GPC6: variants seen among roughly 807,000 people sequenced by gnomAD.
GPC6 encodes the protein glypican-6.
In GPC6, 14 loss-of-function variants were observed where a neutral mutation model predicts 55.2. The ratio of observed to expected loss-of-function variants is 0.25; its 90% CI spans 0.17 to 0.40. The LOEUF is 0.40. Ranked by LOEUF, GPC6 falls within the 10% of genes least tolerant of loss-of-function variation. The probability of loss-of-function intolerance (pLI) is 1.00; values close to 1 mark genes in which losing one functional copy is unlikely to be tolerated. For missense variants in GPC6, 641 were observed against 708.5 expected, an observed-to-expected ratio of 0.90 and a Z score of 1.08; for synonymous variants, 278 against 259.6, an observed-to-expected ratio of 1.07 and a Z score of -0.68.
rs902937835 is a variant in GPC6, at chr13:93,845,682, A to G, written c.711+15137A>G. The stretch of plus-strand genomic sequence containing the variant: ...AAAATGATGAGTTCATGTCCTTTGT[A>G]GGGACATGGATGAAATTGGAAATCA... On this transcript the variant is annotated intron_variant, in intron 3 of 8. Coordinates refer to ENST00000377047, the MANE Select transcript of GPC6 (RefSeq NM_005708.5). Among the ~76,000 whole-genome samples the G allele has an allele frequency of 1.2e-4, 17 of 147,550 alleles. No individual in the cohort carries two copies. In the South Asian group the frequency reaches 1.8e-3, roughly 15 times the overall value.
intron 1 of GPC6, among the ~76,000 whole-genome samples, chr13:93,541,714 C>T (rs544210577): frequency 6.9e-5 from 10 of 144,368 alleles, no homozygotes; most frequent in African/African-American, 2.6e-4. Flanking sequence ...TTAATGATTG[C>T]CATTCTAACT....
chr13:93,514,932 T>C (rs939098324), intron 1 of GPC6, among the ~76,000 whole-genome samples: 6 of 152,202 alleles, frequency 3.9e-5, no homozygotes, highest in Admixed American at 6.5e-5. Flanking sequence ...TGCTATGGGC[T>C]GAATATTTGT....
intron 1 of GPC6, among the ~76,000 whole-genome samples, chr13:93,350,665 T>G (rs376285954): frequency 6.6e-6 from 1 of 152,154 alleles, no homozygotes; most frequent in African/African-American, 2.4e-5. Context: ...TGTGGTCTAT[T>G]AGTAATCACA....
intron 6 of GPC6, among the ~76,000 whole-genome samples, chr13:94,325,584 T>A (rs1392759791): frequency 6.6e-6 from 1 of 152,216 alleles, no homozygotes; most frequent in Non-Finnish European, 1.5e-5. Flanking sequence ...TATGGCTCTA[T>A]TGATTTAAAA....
chr13:93,291,136 G>A (rs1352296602), intron 1 of GPC6, among the ~76,000 whole-genome samples: 1 of 152,114 alleles, frequency 6.6e-6, no homozygotes, highest in Non-Finnish European at 1.5e-5. Context: ...GGTTGAAGCA[G>A]GCAGACTGAC....
At chr13:94,194,387 A>G (rs775097425) in intron 4 of GPC6, among the ~76,000 whole-genome samples, 3 of 152,132 alleles carry the variant, frequency 2.0e-5, no homozygotes, top group Admixed American at 6.5e-5. Context: ...CAATGTATGC[A>G]TATGTGTGTA....
In GPC6 at chr13:93,789,621, A is replaced by AATAC. The variant is rs1431148873; in HGVS notation, c.320-40533_320-40532insATAC. Reference sequence around the variant, plus strand: ...TACATATATATATATATATATATATATATATATATATATATATATATATAG... The same window carrying AATAC: ...TACATATATATATATATATATATATAATACTATATATATATATATATATATATAG... On this transcript the variant is annotated intron_variant, in intron 2 of 8. Coordinates refer to ENST00000377047, the MANE Select transcript of GPC6 (RefSeq NM_005708.5). Among the ~76,000 whole-genome samples, 97 of 109,682 alleles carry AATAC rather than the reference A, an allele frequency of 8.8e-4. 3 individuals are homozygous for AATAC. The highest frequency in any genetic ancestry group is 3.9e-3 in the South Asian group (11 of 2,852). The allele number at this position is 109,682 out of a possible 152,430, so 72.0% of individuals were successfully genotyped here.
chr13:93,407,465 T>C (rs1267007635), intron 1 of GPC6, among the ~76,000 whole-genome samples: 7 of 152,112 alleles, frequency 4.6e-5, no homozygotes. Flanking sequence ...TGATAAAGTA[T>C]CCAATGTCAA....
chr13:94,282,169 G>A (rs1892403490), intron 4 of GPC6, among the ~76,000 whole-genome samples: 1 of 152,078 alleles, frequency 6.6e-6, no homozygotes, highest in African/African-American at 2.4e-5. Context: ...GTCCATTCTT[G>A]TGCTTCTGTA....
At chr13:93,244,786 A>G (rs9516198) in intron 1 of GPC6, among the ~76,000 whole-genome samples, 40,634 of 151,582 alleles carry the variant, frequency 0.27, 5,656 homozygotes, top group African/African-American at 0.36. Context: ...CTCCTTTCAC[A>G]GTATCCAAAG....
intron 6 of GPC6, among the ~76,000 whole-genome samples, chr13:94,322,094 G>T (rs1720919444): frequency 6.6e-6 from 1 of 152,124 alleles, no homozygotes; most frequent in African/African-American, 2.4e-5. Flanking sequence ...ACGTGTTGTG[G>T]GAGGGACCCG....
chr13:93,857,529 A>G (rs544333687), intron 3 of GPC6, among the ~76,000 whole-genome samples: 32 of 151,742 alleles, frequency 2.1e-4, no homozygotes, highest in African/African-American at 7.7e-4. Context: ...ATCTCTGAAT[A>G]AAAAGAAGCC....
intron 1 of GPC6, among the ~76,000 whole-genome samples, chr13:93,481,155 T>C (rs977396907): frequency 6.6e-6 from 1 of 152,160 alleles, no homozygotes; most frequent in Non-Finnish European, 1.5e-5. Flanking sequence ...TGGTATCTCA[T>C]TGTGGTTTTG....
At chr13:93,997,316 A>T (rs1376267924) in intron 3 of GPC6, among the ~76,000 whole-genome samples, 1 of 152,170 alleles carries the variant, frequency 6.6e-6, no homozygotes, top group Non-Finnish European at 1.5e-5. Context: ...TTATGTATTA[A>T]AATCAACCAA....
chr13:93,777,660 T>A (rs778164289), intron 2 of GPC6, among the ~76,000 whole-genome samples: 35 of 152,326 alleles, frequency 2.3e-4, no homozygotes, highest in Middle Eastern at 6.8e-3. Flanking sequence ...TTTATAGGTT[T>A]ACGTGAATAC....
intron 4 of GPC6, among the ~76,000 whole-genome samples, chr13:94,136,671 C>T (rs1566451597): frequency 6.6e-6 from 1 of 152,058 alleles, no homozygotes; most frequent in Non-Finnish European, 1.5e-5. Flanking sequence ...GATCTTGCCA[C>T]TGCACTCCAG....
intron 2 of GPC6, among the ~76,000 whole-genome samples, chr13:93,686,460 C>T (rs1227764972): frequency 1.3e-5 from 2 of 152,086 alleles, no homozygotes; most frequent in Non-Finnish European, 2.9e-5. Flanking sequence ...TGCATGAGGC[C>T]TGCTGGAGGC....
rs149211792 is a variant in GPC6 at position 94,071,267 on chromosome 13, A to G, written c.877+43373A>G. 4.8e-3 allele frequency among the ~76,000 whole-genome samples: 731 copies of G among 152,296 alleles called. 8 individuals carry two copies. The highest frequency in any genetic ancestry group is 0.017 in the African/African-American group (694 of 41,558). ...ATAGTCTTTCGTGTAGAGGGTTTTT[A>G]AAATTAACTGAAAATTATACATTTA... On this transcript the variant is annotated intron_variant, in intron 4 of 8. Transcript: ENST00000377047.
intron 2 of GPC6, among the ~76,000 whole-genome samples, chr13:93,554,699 A>G (rs1484791066): frequency 1.3e-5 from 2 of 152,182 alleles, no homozygotes; most frequent in Non-Finnish European, 2.9e-5. Context: ...GCAAATGTAA[A>G]AAAAGAGGTA....
Sources: allele counts gnomAD v4.1 joint callset (sites outside exome capture counted in the v4.1 genomes callset), GRCh38; gene constraint gnomAD v4.1.1; transcripts MANE v1.5; gene names NCBI Gene and HGNC (gene_info 2026-07-23, HGNC 2026-07-21).